LHFPL3: variants seen among roughly 807,000 people sequenced by gnomAD.
LHFPL3 encodes the protein LHFPL tetraspan subfamily member 3 protein.
In LHFPL3, 5 loss-of-function variants were observed where a neutral mutation model predicts 19.3. The observed-to-expected ratio is 0.26, with a 90% confidence interval of 0.14 to 0.54. The LOEUF (loss-of-function observed/expected upper bound fraction) is 0.54. Among genes scored for constraint, LHFPL3 ranks in the 20% least tolerant of loss-of-function variants. LHFPL3 has a pLI of 0.94. For synonymous variants in LHFPL3, 133 were observed against 126.2 expected (o/e 1.05, Z -0.36); for missense variants, 249 against 307.4 (o/e 0.81, Z 1.42).
At chr7:104,881,129 C>T (rs1032570572) in intron 2 of LHFPL3, among the ~76,000 whole-genome samples, 115 of 148,506 alleles carry the variant, frequency 7.7e-4, no homozygotes, top group African/African-American at 2.8e-3. Context: ...GGGATAGCAC[C>T]ACTGCACTCC....
At chr7:104,864,800 T>C (rs1464035426) in intron 2 of LHFPL3, among the ~76,000 whole-genome samples, 1 of 152,214 alleles carries the variant, frequency 6.6e-6, no homozygotes, top group Non-Finnish European at 1.5e-5. Flanking sequence ...CCTCCTCAAG[T>C]GGGTCCCTGC....
At chr7:104,808,832 A>G (rs1445217390) in intron 2 of LHFPL3, among the ~76,000 whole-genome samples, 2 of 150,860 alleles carry the variant, frequency 1.3e-5, no homozygotes, top group African/African-American at 4.9e-5. Context: ...CACTTATTTC[A>G]TTAATCACTG....
chr7:104,716,804 T>C (rs903127347), intron 1 of LHFPL3, among the ~76,000 whole-genome samples: 1 of 152,148 alleles, frequency 6.6e-6, no homozygotes, highest in African/African-American at 2.4e-5. Flanking sequence ...TGGCATTTTT[T>C]TACAAAAATA....
rs537375013 is a variant in LHFPL3 at position 104,557,324 on chromosome 7, G to A, written c.446-179351G>A. ...ACTTACAGTTCCACATAGCTGGGGA[G>A]GCCTCACAATCATGGCAGAAGGCAA... On this transcript the variant is annotated intron_variant, in intron 1 of 2. Transcript: ENST00000424859. Among the ~76,000 whole-genome samples, 227 of 152,298 alleles carry A rather than the reference G, an allele frequency of 1.5e-3. 1 individual carries two copies. The highest frequency in any genetic ancestry group is 5.1e-3 in the African/African-American group (213 of 41,570).
intron 1 of LHFPL3, among the ~76,000 whole-genome samples, chr7:104,596,948 A>T (rs1441346036): frequency 6.6e-6 from 1 of 152,212 alleles, no homozygotes; most frequent in African/African-American, 2.4e-5. Context: ...TAATTCCAAC[A>T]TTTGACCCAT....
intron 1 of LHFPL3, among the ~76,000 whole-genome samples, chr7:104,417,886 T>TC (rs1554391171): frequency 0.02 from 1,343 of 67,372 alleles, 20 homozygotes; most frequent in African/African-American, 0.066. Flanking sequence ...TTCTTCTTCT[T>TC]TTTTTTTTTT....
At chr7:104,407,135 A>T (rs184745986) in intron 1 of LHFPL3, among the ~76,000 whole-genome samples, 2 of 152,094 alleles carry the variant, frequency 1.3e-5, no homozygotes, top group Admixed American at 6.5e-5. Context: ...TACAAAAATA[A>T]CTCTTCCTTT....
intron 1 of LHFPL3, among the ~76,000 whole-genome samples, chr7:104,586,426 T>C (rs184824312): frequency 3.7e-4 from 56 of 152,282 alleles, no homozygotes; most frequent in African/African-American, 1.3e-3. Flanking sequence ...TTCCTCCATA[T>C]TTTTGAAAGA....
chr7:104,541,899 C>G (rs778542443), intron 1 of LHFPL3, among the ~76,000 whole-genome samples: 1 of 151,782 alleles, frequency 6.6e-6, no homozygotes, highest in African/African-American at 2.4e-5. Context: ...GAAGCCCTAA[C>G]AATGATAGGT....
In LHFPL3 at chr7:104,440,035, T is replaced by TGGGC. The variant is rs139318074; in HGVS notation, c.445+110814_445+110815insCGGG. Reference sequence around the variant, plus strand: ...CAAGATTACTATATAATACAAAGCCTGGGGGGGGGGAGGGATAGCATTAGG... The same window carrying TGGGC: ...CAAGATTACTATATAATACAAAGCCTGGGCGGGGGGGGGGAGGGATAGCATTAGG... On this transcript the variant is annotated intron_variant, in intron 1 of 2. Transcript: ENST00000424859. Among the ~76,000 whole-genome samples, 88 of 84,954 alleles carry TGGGC rather than the reference T, an allele frequency of 1.0e-3. 2 individuals are homozygous for TGGGC. Among genetic ancestry groups the TGGGC allele is most frequent in the East Asian group, 3.1e-3 (7 of 2,260 alleles). 55.7% of individuals were successfully genotyped at this position (84,954 alleles called of 152,430 possible). A position where few individuals can be genotyped will look rare whatever the true frequency, so the allele number is the denominator to read the frequency against.
rs1004666655 is a variant in LHFPL3, at chr7:104,339,461, C to T, written c.445+10237C>T. Among the ~76,000 whole-genome samples, 9 of 152,148 alleles carry T rather than the reference C, an allele frequency of 5.9e-5. 1 individual carries two copies. The highest frequency in any genetic ancestry group is 1.5e-5 in the Non-Finnish European group (1 of 68,032). On this transcript the variant is annotated intron_variant, in intron 1 of 2. Coordinates refer to ENST00000424859, the MANE Select transcript of LHFPL3 (RefSeq NM_199000.3). Reference sequence around the variant, plus strand: ...GGTTTGAGCCAAAATCAGACTCTTTCCCTGGCCTACGGCATGTTTCCACTA... The same window carrying T: ...GGTTTGAGCCAAAATCAGACTCTTTTCCTGGCCTACGGCATGTTTCCACTA...
intron 1 of LHFPL3, among the ~76,000 whole-genome samples, chr7:104,431,767 G>A (rs10256813): frequency 0.2 from 31,006 of 152,034 alleles, 3,595 homozygotes; most frequent in Admixed American, 0.33. Context: ...TCTAATATTT[G>A]TATTGAGAAA....
intron 1 of LHFPL3, among the ~76,000 whole-genome samples, chr7:104,626,347 T>G (rs1178335528): frequency 1.3e-5 from 2 of 152,146 alleles, no homozygotes; most frequent in Non-Finnish European, 2.9e-5. Context: ...GTTTAAAACT[T>G]TCTGTATTTT....
At chr7:104,332,610 A>G (rs1202225952) in intron 1 of LHFPL3, among the ~76,000 whole-genome samples, 1 of 152,186 alleles carries the variant, frequency 6.6e-6, no homozygotes, top group Non-Finnish European at 1.5e-5. Flanking sequence ...TATTATTTTT[A>G]TGATTCTGAA....
chr7:104,481,162 T>G (rs1273421280), intron 1 of LHFPL3, among the ~76,000 whole-genome samples: 1 of 152,206 alleles, frequency 6.6e-6, no homozygotes, highest in Non-Finnish European at 1.5e-5. Flanking sequence ...CTTCAGTGTT[T>G]GTGCCATGGC....
chr7:104,480,824 A>G (rs1793120505), intron 1 of LHFPL3, among the ~76,000 whole-genome samples: 1 of 152,260 alleles, frequency 6.6e-6, no homozygotes, highest in Admixed American at 6.5e-5. Flanking sequence ...TCAAGAATTT[A>G]TATCAGTAGG....
At chr7:104,480,072 C>A (rs1046756935) in intron 1 of LHFPL3, among the ~76,000 whole-genome samples, 1 of 152,190 alleles carries the variant, frequency 6.6e-6, no homozygotes, top group Non-Finnish European at 1.5e-5. Context: ...GGAATCATTT[C>A]ATCATGGATA....
At chr7:104,602,790 G>A (rs1475025771) in intron 1 of LHFPL3, among the ~76,000 whole-genome samples, 1 of 152,200 alleles carries the variant, frequency 6.6e-6, no homozygotes, top group Non-Finnish European at 1.5e-5. Context: ...GAAAGTCCAA[G>A]AGCATAGTAC....
intron 1 of LHFPL3, among the ~76,000 whole-genome samples, chr7:104,501,598 T>C (rs555901542): frequency 6.6e-6 from 1 of 152,310 alleles, no homozygotes; most frequent in Non-Finnish European, 1.5e-5. Flanking sequence ...ATGCCTCTTC[T>C]GGAGGTTTGA....
Sources: allele counts gnomAD v4.1 joint callset (sites outside exome capture counted in the v4.1 genomes callset), GRCh38; gene constraint gnomAD v4.1.1; transcripts MANE v1.5; gene names NCBI Gene and HGNC (gene_info 2026-07-23, HGNC 2026-07-21).